LRRC1: variants seen among roughly 807,000 people sequenced by gnomAD.
The protein encoded by LRRC1 is leucine-rich repeat-containing protein 1.
In LRRC1, 28 loss-of-function variants were observed where a neutral mutation model predicts 69.9. The observed-to-expected ratio is 0.40, with a 90% CI of 0.30 to 0.55. The LOEUF (loss-of-function observed/expected upper bound fraction) is 0.55. LRRC1 is among the 20% of genes least tolerant of loss of function. The pLI is 0.47. For missense variants in LRRC1, 498 were observed against 609.0 expected (o/e 0.82, Z 1.92); for synonymous variants, 236 against 240.2 (o/e 0.98, Z 0.16).
chr6:53,890,543 G>A (rs1316275328), intron 4 of LRRC1, among the ~76,000 whole-genome samples: 1 of 152,116 alleles, frequency 6.6e-6, no homozygotes, highest in African/African-American at 2.4e-5. Context: ...TATATTATAA[G>A]TGCATGCTGC....
chr6:53,898,611 C>A (rs1767947801), intron 7 of LRRC1, among the ~76,000 whole-genome samples: 1 of 151,880 alleles, frequency 6.6e-6, no homozygotes. Context: ...ATAAACACAC[C>A]AAAAAGTCTT....
chr6:53,800,247 C>CTTTT (rs55960000), intron 1 of LRRC1, among the ~76,000 whole-genome samples: 129 of 89,382 alleles, frequency 1.4e-3, no homozygotes, highest in African/African-American at 2.2e-3. Context: ...GTTTCTTTTT[C>CTTTT]TTTTTTTTTT....
intron 2 of LRRC1, among the ~76,000 whole-genome samples, chr6:53,846,589 GT>G (rs1450095379): frequency 1.3e-5 from 2 of 151,978 alleles, no homozygotes; most frequent in African/African-American, 2.4e-5. Context: ...TGGTGGATTT[GT>G]TTTTTTAAAA....
At chr6:53,871,938 G>C (rs1235198197) in intron 2 of LRRC1, among the ~76,000 whole-genome samples, 1 of 152,176 alleles carries the variant, frequency 6.6e-6, no homozygotes, top group African/African-American at 2.4e-5. Context: ...AAAGTGCTGG[G>C]ATTACAGGTA....
chr6:53,840,270 G>A (rs969013364), intron 1 of LRRC1, among the ~76,000 whole-genome samples: 2 of 152,116 alleles, frequency 1.3e-5, no homozygotes, highest in Non-Finnish European at 2.9e-5. Context: ...TTTTAGGTTG[G>A]GAATAATGAT....
chr6:53,795,526 C>A (rs563947262), intron 1 of LRRC1, 111 bp downstream of exon 1: 2 of 1,053,758 alleles, frequency 1.9e-6, no homozygotes, highest in East Asian at 5.4e-5. Context: ...AGGAACCTTC[C>A]CTCTTTTATG....
intron 1 of LRRC1, among the ~76,000 whole-genome samples, chr6:53,835,670 C>T (rs553120488): frequency 6.6e-6 from 1 of 152,210 alleles, no homozygotes; most frequent in South Asian, 2.1e-4. Flanking sequence ...TTCTTTTTGT[C>T]TATATCCTTT....
At chr6:53,895,153 G>A (rs1031964402) in intron 4 of LRRC1, among the ~76,000 whole-genome samples, 3 of 152,036 alleles carry the variant, frequency 2.0e-5, no homozygotes, top group East Asian at 1.9e-4. Context: ...TCCTGACCTC[G>A]TGGATCCGCC....
intron 12 of LRRC1, chr6:53,920,420 C>A: frequency 3.9e-6 from 2 of 508,378 alleles, no homozygotes; most frequent in Non-Finnish European, 7.0e-6. Context: ...AAGGGGCAAC[C>A]TTGTCCCAGG....
intron 1 of LRRC1, among the ~76,000 whole-genome samples, chr6:53,833,218 G>A (rs1765480617): frequency 6.6e-6 from 1 of 152,162 alleles, no homozygotes; most frequent in African/African-American, 2.4e-5. Flanking sequence ...TTTGCTTTTA[G>A]TAAAAGCTTC....
intron 12 of LRRC1, 31 bp from the exon 13 acceptor site, chr6:53,920,594 T>A (rs777785644): frequency 2.5e-6 from 4 of 1,613,780 alleles, no homozygotes; most frequent in Non-Finnish European, 3.4e-6. Context: ...TGAAACGCAA[T>A]TCCCTGCTTA....
At chr6:53,802,952 C>A (rs542865565) in intron 1 of LRRC1, among the ~76,000 whole-genome samples, 21 of 152,296 alleles carry the variant, frequency 1.4e-4, no homozygotes, top group African/African-American at 5.1e-4. Flanking sequence ...AAGATAGAGT[C>A]ATGCTTTTAG....
At chr6:53,854,150 T>C (rs1272406636) in intron 2 of LRRC1, among the ~76,000 whole-genome samples, 4 of 152,340 alleles carry the variant, frequency 2.6e-5, no homozygotes, top group African/African-American at 2.4e-5. Flanking sequence ...GGTAGTGTAC[T>C]ACACGAGGCT....
Position 53,894,411 on chromosome 6 carries a change from T to C in LRRC1, c.447-2087T>C, listed in dbSNP as rs534528431. Among the ~76,000 whole-genome samples, 18 of 152,298 alleles carry C rather than the reference T, an allele frequency of 1.2e-4. No individual in the cohort carries two copies. In the South Asian group the frequency reaches 3.5e-3, roughly 30 times the overall value. ...TGGCTGTGGAAACTTGGCATAACAC[T>C]CAGCATGAGGCTGTGTGAAACTGCT... On this transcript the variant is annotated intron_variant, in intron 4 of 13. Transcript: ENST00000370888.
chr6:53,809,431 C>CT (rs1187069101), intron 1 of LRRC1, among the ~76,000 whole-genome samples: 1 of 152,274 alleles, frequency 6.6e-6, no homozygotes, highest in Admixed American at 6.5e-5. Context: ...ATTTATGCCC[C>CT]ACACCGCTGG....
At chr6:53,880,600 C>G (rs994481531) in intron 3 of LRRC1, among the ~76,000 whole-genome samples, 1 of 152,132 alleles carries the variant, frequency 6.6e-6, no homozygotes, top group Non-Finnish European at 1.5e-5. Context: ...TTTCACCTTC[C>G]TTAAGTTGCA....
At chr6:53,874,900 T>C (rs1166701586) in intron 2 of LRRC1, among the ~76,000 whole-genome samples, 2 of 152,202 alleles carry the variant, frequency 1.3e-5, no homozygotes, top group Admixed American at 6.5e-5. Flanking sequence ...TTTGGTCTTT[T>C]AAAAATCACA....
chr6:53,883,020 G>GT (rs757346440), intron 4 of LRRC1, 44 bp downstream of exon 4: 1 of 1,226,480 alleles, frequency 8.2e-7, no homozygotes, highest in African/African-American at 1.5e-5. Flanking sequence ...GTGAAAGGGG[G>GT]TTTATATCAT....
At chr6:53,805,469 C>T (rs558993545) in intron 1 of LRRC1, among the ~76,000 whole-genome samples, 1 of 152,114 alleles carries the variant, frequency 6.6e-6, no homozygotes. Context: ...TGGATCAGCA[C>T]CCCCACCTCA....
Sources: allele counts gnomAD v4.1 joint callset (sites outside exome capture counted in the v4.1 genomes callset), GRCh38; gene constraint gnomAD v4.1.1; transcripts MANE v1.5; gene names NCBI Gene and HGNC (gene_info 2026-07-23, HGNC 2026-07-21).